The following SCHIP1 variants were observed in gnomAD, a reference collection of about 807,000 sequenced individuals.
SCHIP1 encodes the protein schwannomin interacting protein 1.
SCHIP1 carries 8 observed loss-of-function variants against 29.7 expected under a neutral mutation model. That is an observed-to-expected ratio of 0.27 (90% confidence interval 0.16 to 0.49). The LOEUF (loss-of-function observed/expected upper bound fraction) is 0.49. Ranked by LOEUF, SCHIP1 falls within the 20% of genes least tolerant of loss-of-function variation. The pLI is 0.99. For missense variants in SCHIP1, 193 were observed against 294.6 expected, an observed-to-expected ratio of 0.66 and a Z score of 2.52; for synonymous variants, 76 against 94.9, an observed-to-expected ratio of 0.80 and a Z score of 1.16.
At chr3:159,860,033 G>A (rs1221227918) in intron 1 of SCHIP1, among the ~76,000 whole-genome samples, 1 of 152,054 alleles carries the variant, frequency 6.6e-6, no homozygotes, top group Non-Finnish European at 1.5e-5. Flanking sequence ...CTGTCTGCGT[G>A]TGTGCACATG....
chr3:159,622,022 C>T, the SCHIP1 span, among the ~76,000 whole-genome samples: 2 of 152,216 alleles, frequency 1.3e-5, no homozygotes, highest in Non-Finnish European at 2.9e-5. Flanking sequence ...CCTGGCAAAA[C>T]CTCTAACCCT....
chr3:159,720,429 A>G, the SCHIP1 span, among the ~76,000 whole-genome samples: 1 of 152,286 alleles, frequency 6.6e-6, no homozygotes, highest in Admixed American at 6.5e-5. Flanking sequence ...AATAACTTAG[A>G]GAACATCTTG....
chr3:159,493,882 C>T, the SCHIP1 span, among the ~76,000 whole-genome samples: 15 of 151,940 alleles, frequency 9.9e-5, no homozygotes, highest in Non-Finnish European at 1.8e-4. Flanking sequence ...TGTAAAAGAA[C>T]AGAAATTATA....
chr3:159,337,918 A>G, the SCHIP1 span, among the ~76,000 whole-genome samples: 1 of 152,200 alleles, frequency 6.6e-6, no homozygotes, highest in Non-Finnish European at 1.5e-5. Context: ...ATGAGCTTTC[A>G]TCTTTGTTTA....
chr3:159,621,752 G>A, the SCHIP1 span, among the ~76,000 whole-genome samples: 55 of 151,666 alleles, frequency 3.6e-4, no homozygotes, highest in Middle Eastern at 6.8e-3. Context: ...TGCAATCTCC[G>A]CCTCCTGGCT....
At chr3:159,662,297 C>G in the SCHIP1 span, among the ~76,000 whole-genome samples, 8 of 152,334 alleles carry the variant, frequency 5.3e-5, no homozygotes, top group South Asian at 1.4e-3. Flanking sequence ...TTCAGGTGGG[C>G]TCTTGCTATT....
the SCHIP1 span, among the ~76,000 whole-genome samples, chr3:159,815,988 G>T: frequency 2.5e-5 from 3 of 119,706 alleles, no homozygotes; most frequent in Admixed American, 2.8e-4. Flanking sequence ...TCTCTCTGTC[G>T]CCCAGGCAGG....
At chr3:159,574,858 G>A in the SCHIP1 span, among the ~76,000 whole-genome samples, 1 of 152,212 alleles carries the variant, frequency 6.6e-6, no homozygotes, top group South Asian at 2.1e-4. Context: ...CTTGCAGTTT[G>A]ATCTCAGACT....
At chr3:159,836,266 C>T (rs1463257671), upstream of SCHIP1, among the ~76,000 whole-genome samples, 1 of 152,134 alleles carries the variant, frequency 6.6e-6, no homozygotes, top group Non-Finnish European at 1.5e-5. Context: ...CATGAGGCCC[C>T]GTTTCCTGAT....
the SCHIP1 span, chr3:159,765,084 G>T: frequency 6.4e-7 from 1 of 1,571,456 alleles, no homozygotes; most frequent in Non-Finnish European, 8.6e-7. Context: ...CCGGGCTGCA[G>T]TTCCGGGAGC....
chr3:159,428,555 G>A, the SCHIP1 span, among the ~76,000 whole-genome samples: 1 of 151,970 alleles, frequency 6.6e-6, no homozygotes, highest in South Asian at 2.1e-4. Context: ...AACAGGTGCT[G>A]GAGAGGATGT....
chr3:159,477,557 T>C, the SCHIP1 span, among the ~76,000 whole-genome samples: 12 of 152,202 alleles, frequency 7.9e-5, no homozygotes, highest in African/African-American at 2.9e-4. Context: ...ATTTTGTCCA[T>C]GTACTTGTTG....
the SCHIP1 span, among the ~76,000 whole-genome samples, chr3:159,484,678 A>AG: frequency 6.6e-6 from 1 of 152,138 alleles, no homozygotes; most frequent in Non-Finnish European, 1.5e-5. Flanking sequence ...AACTTCTGTG[A>AG]GGAAAAAAAA....
the SCHIP1 span, among the ~76,000 whole-genome samples, chr3:159,702,327 G>C: frequency 1.3e-5 from 2 of 152,136 alleles, no homozygotes; most frequent in Non-Finnish European, 2.9e-5. Flanking sequence ...ATGTTCCAAA[G>C]GCAGAAGGAA....
the SCHIP1 span, among the ~76,000 whole-genome samples, chr3:159,320,024 G>A: frequency 6.6e-6 from 1 of 152,172 alleles, no homozygotes. Flanking sequence ...GGCATTAGAA[G>A]GTGGAGCCTT....
At chr3:159,554,575 C>G in the SCHIP1 span, among the ~76,000 whole-genome samples, 2 of 152,124 alleles carry the variant, frequency 1.3e-5, no homozygotes, top group Non-Finnish European at 2.9e-5. Flanking sequence ...TGGTATTTCT[C>G]CCCCTCTCAC....
At chr3:159,397,598 C>T in the SCHIP1 span, among the ~76,000 whole-genome samples, 1 of 152,172 alleles carries the variant, frequency 6.6e-6, no homozygotes, top group East Asian at 1.9e-4. Context: ...TGTCAATCTT[C>T]CCCTGCTGGG....
At chr3:159,800,565 A>C in the SCHIP1 span, among the ~76,000 whole-genome samples, 2 of 152,228 alleles carry the variant, frequency 1.3e-5, no homozygotes, top group Non-Finnish European at 2.9e-5. Context: ...TGACCTCAAT[A>C]GTAATTGCTG....
chr3:159,673,294 C>T, the SCHIP1 span, among the ~76,000 whole-genome samples: 4 of 152,332 alleles, frequency 2.6e-5, no homozygotes, highest in South Asian at 8.3e-4. Context: ...GGTGAGCAGT[C>T]TGCATGGCCC....
Sources: gnomAD v4.1 joint callset for allele counts (sites outside exome capture counted in the v4.1 genomes callset) on GRCh38, gnomAD v4.1.1 for gene constraint, MANE v1.5 for transcripts, NCBI Gene and HGNC (gene_info 2026-07-23, HGNC 2026-07-21) for gene names.